Variants in CSMD3 observed in about 807,000 individuals in gnomAD.
The protein encoded by CSMD3 is CUB and Sushi multiple domains 3, also known as CUB and sushi domain-containing protein 3.
In CSMD3, 177 loss-of-function variants were observed where a neutral mutation model predicts 435.2. The ratio of observed to expected loss-of-function variants is 0.41; its 90% CI spans 0.36 to 0.46. CSMD3 has a LOEUF of 0.46. Among genes scored for constraint, CSMD3 ranks in the 20% least tolerant of loss-of-function variants. The pLI is 0.34. For synonymous variants in CSMD3, 1,656 were observed against 1,520.5 expected (o/e 1.09, Z -2.07); for missense variants, 4,265 against 4,504.6 (o/e 0.95, Z 1.52).
At chr8:113,300,940 A>G (rs1202350881) in intron 2 of CSMD3, among the ~76,000 whole-genome samples, 11 of 152,162 alleles carry the variant, frequency 7.2e-5, no homozygotes. Flanking sequence ...CAGCATGGAT[A>G]ACTCTTAGAA....
In CSMD3 at chr8:112,336,796, C is replaced by T. The variant is rs951593485; in HGVS notation, c.6875G>A (p.Gly2292Asp). The T allele has an allele frequency of 1.2e-5, 20 of 1,613,152 alleles. No individual in the cohort carries two copies. Among genetic ancestry groups the T allele is most frequent in the Non-Finnish European group, 1.5e-5 (18 of 1,179,492 alleles). Reference sequence around the variant, plus strand: ...AGGATACCCAGGAGAATAAATGGTGCCATTCATTGCAGTTATATTCCCACC... The same window carrying T: ...AGGATACCCAGGAGAATAAATGGTGTCATTCATTGCAGTTATATTCCCACC... ...LCGGNITAMN[G>D]TIYSPGYPDE... The change falls in exon 44 of 71, where the codon GGC becomes GAC. Residue 2292 changes from glycine to aspartate, a missense_variant. Gly to Asp is a moderately conservative substitution (Grantham distance 94, BLOSUM62 -1). Coordinates refer to ENST00000297405, the MANE Select transcript of CSMD3 (RefSeq NM_198123.2).
At chr8:113,382,617 A>G (rs1588636102) in intron 1 of CSMD3, among the ~76,000 whole-genome samples, 1 of 152,208 alleles carries the variant, frequency 6.6e-6, no homozygotes, top group South Asian at 2.1e-4. Context: ...CTGTGAGTCT[A>G]TATTAGAAGT....
At chr8:113,377,101 A>C in intron 1 of CSMD3, 2 of 1,278,752 alleles carry the variant, frequency 1.6e-6, no homozygotes, top group Admixed American at 3.0e-5. Context: ...GGACTCCCCC[A>C]AGGGCTGCGG....
intron 5 of CSMD3, among the ~76,000 whole-genome samples, chr8:113,058,357 A>G (rs932174600): frequency 2.0e-5 from 3 of 152,020 alleles, no homozygotes; most frequent in South Asian, 2.1e-4. Flanking sequence ...TAAAATATGC[A>G]TACTTTAGAT....
chr8:113,097,462 A>T (rs954525636), intron 5 of CSMD3, among the ~76,000 whole-genome samples: 1 of 152,012 alleles, frequency 6.6e-6, no homozygotes, highest in Non-Finnish European at 1.5e-5. Context: ...TCTTTTCTGT[A>T]TCATCCTTCT....
At chr8:113,224,702 G>C (rs1014496700) in intron 3 of CSMD3, among the ~76,000 whole-genome samples, 2 of 151,134 alleles carry the variant, frequency 1.3e-5, no homozygotes, top group Non-Finnish European at 3.0e-5. Flanking sequence ...TATAAAATTT[G>C]TGTGTGTATT....
intron 11 of CSMD3, among the ~76,000 whole-genome samples, chr8:112,857,949 T>C (rs944540362): frequency 5.3e-5 from 8 of 151,724 alleles, no homozygotes; most frequent in African/African-American, 1.7e-4. Context: ...ATTTCCTTCA[T>C]GCAACTGAGG....
intron 4 of CSMD3, among the ~76,000 whole-genome samples, chr8:113,131,704 G>A (rs1044345471): frequency 6.6e-5 from 10 of 152,174 alleles, no homozygotes; most frequent in African/African-American, 2.2e-4. Context: ...GTGGAGCTGT[G>A]AGAAAAGGGA....
intron 3 of CSMD3, among the ~76,000 whole-genome samples, chr8:113,252,645 T>G (rs1310544875): frequency 2.0e-5 from 3 of 152,092 alleles, no homozygotes; most frequent in South Asian, 2.1e-4. Flanking sequence ...ACAAATCAAT[T>G]TTTTTATATC....
At chr8:113,059,682 T>C (rs2088518239) in intron 5 of CSMD3, among the ~76,000 whole-genome samples, 1 of 152,342 alleles carries the variant, frequency 6.6e-6, no homozygotes, top group Non-Finnish European at 1.5e-5. Flanking sequence ...GCTAATTAGC[T>C]TAAGTTTCAG....
At chr8:112,799,144 T>C (rs879183668) in intron 13 of CSMD3, among the ~76,000 whole-genome samples, 10 of 151,904 alleles carry the variant, frequency 6.6e-5, no homozygotes, top group Admixed American at 5.9e-4. Context: ...CTAACCTTTT[T>C]AATAAACTGG....
At chr8:112,397,816 G>C (rs1830979768) in intron 35 of CSMD3, among the ~76,000 whole-genome samples, 1 of 152,132 alleles carries the variant, frequency 6.6e-6, no homozygotes, top group South Asian at 2.1e-4. Context: ...ACAGCATTCT[G>C]CTGCTGGCCC....
chr8:112,410,122 G>A (rs1832199599), intron 32 of CSMD3, among the ~76,000 whole-genome samples: 1 of 151,764 alleles, frequency 6.6e-6, no homozygotes, highest in South Asian at 2.1e-4. Flanking sequence ...CTTGAAACAT[G>A]GTTACTTTTG....
chr8:112,310,630 T>C (rs1271170813), intron 50 of CSMD3: 1 of 340,174 alleles, frequency 2.9e-6, no homozygotes, highest in African/African-American at 2.1e-5. Context: ...CCATTCTTAT[T>C]CTCTATTACC....
chr8:113,274,538 G>C (rs1343466428), intron 3 of CSMD3, among the ~76,000 whole-genome samples: 1 of 152,040 alleles, frequency 6.6e-6, no homozygotes, highest in African/African-American at 2.4e-5. Flanking sequence ...TTTTACAAAA[G>C]TATTGGTGTG....
chr8:113,167,198 C>T (rs146006205), intron 4 of CSMD3, among the ~76,000 whole-genome samples: 34 of 151,902 alleles, frequency 2.2e-4, no homozygotes, highest in Middle Eastern at 3.4e-3. Context: ...ATTTTAAATA[C>T]GATAAATACA....
chr8:112,959,244 A>G (rs891474645), intron 7 of CSMD3, among the ~76,000 whole-genome samples: 2 of 152,052 alleles, frequency 1.3e-5, no homozygotes, highest in African/African-American at 4.8e-5. Context: ...GGGCTCTCTT[A>G]GAAGACAGTG....
intron 22 of CSMD3, among the ~76,000 whole-genome samples, chr8:112,594,638 T>C (rs1831518220): frequency 6.6e-6 from 1 of 152,314 alleles, no homozygotes; most frequent in South Asian, 2.1e-4. Context: ...AAGAGAGTAG[T>C]GGTTCTCCCA....
intron 31 of CSMD3, among the ~76,000 whole-genome samples, chr8:112,481,569 G>T (rs1819624395): frequency 6.6e-6 from 1 of 152,088 alleles, no homozygotes; most frequent in Admixed American, 6.6e-5. Context: ...GACTCTTTCA[G>T]TTTGAAAGAA....
Sources: gnomAD v4.1 joint callset for allele counts (sites outside exome capture counted in the v4.1 genomes callset) on GRCh38, gnomAD v4.1.1 for gene constraint, MANE v1.5 for transcripts, NCBI Gene and HGNC (gene_info 2026-07-23, HGNC 2026-07-21) for gene names.